The following DNAJC3 variants were observed in gnomAD, a reference collection of about 807,000 sequenced individuals.
The protein encoded by DNAJC3 is dnaJ homolog subfamily C member 3.
Under a neutral mutation model 68.6 loss-of-function variants are expected in DNAJC3, and 38 were observed. The observed-to-expected ratio is 0.55, with a 90% confidence interval of 0.43 to 0.73. The LOEUF (loss-of-function observed/expected upper bound fraction) is 0.73, where lower values mean the gene tolerates loss of function less well. Ranked by LOEUF, DNAJC3 falls within the 30% of genes least tolerant of loss-of-function variation. The pLI, the probability that DNAJC3 is intolerant of heterozygous loss-of-function variation, is 0.00. For synonymous variants in DNAJC3, 203 were observed against 204.0 expected, an observed-to-expected ratio of 1.00 and a Z score of 0.04; for missense variants, 526 against 591.9, an observed-to-expected ratio of 0.89 and a Z score of 1.16.
Position 95,791,026 on chromosome 13 carries a change from A to G in DNAJC3, c.1511A>G (p.Asn504Ser). ...CCATTTAGATTTAAATTCCACTTCA[A>G]TTAAACCAACTGTTTTTCTGCTCTT... ...GGPFRFKFHF[N>S] The change falls in exon 12 of 12, where the codon AAT becomes AGT. Residue 504 changes from asparagine (N) to serine (S), a missense_variant. Physicochemically the swap from Asn to Ser is conservative, Grantham distance 46. Coordinates refer to ENST00000602402, the MANE Select transcript of DNAJC3 (RefSeq NM_006260.5). 1.2e-6 allele frequency: 2 copies of G among 1,613,610 alleles called. No homozygotes were observed. The highest frequency in any genetic ancestry group is 1.1e-5 in the South Asian group (1 of 90,902).
In DNAJC3 at chr13:95,760,542, T is replaced by C. The variant is rs1022139636; in HGVS notation, c.729-137T>C. On this transcript the variant is annotated intron_variant, in intron 6 of 11. Transcript: ENST00000602402. ...TGGTACAATGCCACGTATAAATGTA[T>C]ATAGTAAATTATAAGTCTCAGTATG... 9.2e-6 allele frequency: 10 copies of C among 1,092,856 alleles called. No individual in the cohort carries two copies. The South Asian group carries it at 1.5e-4, about 16-fold the overall frequency. 67.7% of individuals were successfully genotyped at this position (1,092,856 alleles called of 1,614,324 possible).
chr13:95,774,162 A>G (rs540991988), intron 9 of DNAJC3, among the ~76,000 whole-genome samples: 1 of 152,302 alleles, frequency 6.6e-6, no homozygotes, highest in Non-Finnish European at 1.5e-5. Flanking sequence ...TGCTTTTGCT[A>G]GAACAGTCAT....
intron 1 of DNAJC3, among the ~76,000 whole-genome samples, chr13:95,708,207 A>C (rs1322071624): frequency 6.6e-6 from 1 of 152,208 alleles, no homozygotes; most frequent in Non-Finnish European, 1.5e-5. Flanking sequence ...AGTGCCCTGT[A>C]CTGACAAAGC....
intron 4 of DNAJC3, among the ~76,000 whole-genome samples, chr13:95,757,299 G>A (rs188999004): frequency 1.2e-3 from 175 of 147,812 alleles, no homozygotes; most frequent in Middle Eastern, 3.4e-3. Flanking sequence ...TAAAACTCAA[G>A]TTAATTTATT....
intron 1 of DNAJC3, among the ~76,000 whole-genome samples, chr13:95,690,736 G>A (rs1366120969): frequency 1.4e-4 from 21 of 147,528 alleles, no homozygotes; most frequent in South Asian, 1.1e-3. Flanking sequence ...CAGTAGGGGC[G>A]GCCGGGCAGA....
At chr13:95,769,875 C>T (rs192204093) in intron 9 of DNAJC3, among the ~76,000 whole-genome samples, 189 of 152,290 alleles carry the variant, frequency 1.2e-3, no homozygotes, top group African/African-American at 4.2e-3. Context: ...CCTCTGGTGC[C>T]AACTCTGTGA....
chr13:95,735,069 T>C (rs1881861030), intron 4 of DNAJC3, among the ~76,000 whole-genome samples: 1 of 150,910 alleles, frequency 6.6e-6, no homozygotes, highest in Non-Finnish European at 1.5e-5. Flanking sequence ...GAACATGCAG[T>C]GTTTTGTTTT....
chr13:95,785,324 A>G (rs1434879176), intron 9 of DNAJC3, among the ~76,000 whole-genome samples: 1 of 152,040 alleles, frequency 6.6e-6, no homozygotes, highest in Non-Finnish European at 1.5e-5. Flanking sequence ...AAGTGCTGAT[A>G]TTAACATATT....
At chr13:95,699,488 G>A (rs569461846) in intron 1 of DNAJC3, among the ~76,000 whole-genome samples, 1 of 152,218 alleles carries the variant, frequency 6.6e-6, no homozygotes, top group East Asian at 1.9e-4. Flanking sequence ...AATGATTGTA[G>A]CTAAAATGTT....
chr13:95,764,371 CTCTCTATATA>C lies in DNAJC3; in HGVS notation c.1075+420_1075+429del, dbSNP rs1453371636. 3.8e-5 allele frequency among the ~76,000 whole-genome samples: 5 copies of C among 132,754 alleles called. No individual in the cohort carries two copies. The East Asian group carries it at 1.1e-3, about 29-fold the overall frequency. The allele number at this position is 132,754 out of a possible 152,430, so 87.1% of individuals were successfully genotyped here. On this transcript the variant is annotated intron_variant, in intron 9 of 11. Transcript: ENST00000602402. ...ATTCTCTCTCTCTCTCTCTCTCTCT[CTCTCTATATA>C]TATATATATATATACTCGGTGTGTA...
chr13:95,742,615 CTCT>C (rs367627476), intron 4 of DNAJC3: 78 of 499,636 alleles, frequency 1.6e-4, no homozygotes, highest in Middle Eastern at 3.3e-4. Flanking sequence ...CCTCACTTCT[CTCT>C]TCTTCTTCTT....
intron 1 of DNAJC3, among the ~76,000 whole-genome samples, chr13:95,684,043 C>G (rs1363421235): frequency 6.6e-6 from 1 of 151,910 alleles, no homozygotes; most frequent in African/African-American, 2.4e-5. Flanking sequence ...ATAAAGATAC[C>G]TGAAATTGTA....
intron 4 of DNAJC3, among the ~76,000 whole-genome samples, chr13:95,752,674 T>C (rs1882517554): frequency 6.6e-6 from 1 of 152,210 alleles, no homozygotes; most frequent in South Asian, 2.1e-4. Context: ...TATAATAAAA[T>C]GCATTGGTTT....
intron 9 of DNAJC3, 100 bp downstream of exon 9, chr13:95,764,053 TGGAAATGTTGACAA>T: frequency 6.6e-7 from 1 of 1,506,908 alleles, no homozygotes; most frequent in Non-Finnish European, 8.9e-7. Context: ...CCAGAGTACC[TGGAAATGTTGACAA>T]TTTTAGAAAA....
At chr13:95,773,127 G>T (rs868072428) in intron 9 of DNAJC3, among the ~76,000 whole-genome samples, 1,782 of 119,020 alleles carry the variant, frequency 0.015, 48 homozygotes, top group African/African-American at 0.052. Flanking sequence ...TTTTTTTTTT[G>T]GTAGGATGGT....
chr13:95,721,660 G>A (rs1270877791), intron 2 of DNAJC3, among the ~76,000 whole-genome samples: 1 of 146,334 alleles, frequency 6.8e-6, no homozygotes. Context: ...TTTTGGTTTT[G>A]CTTTTTTAGT....
chr13:95,748,816 A>AAAAC (rs751954606), intron 4 of DNAJC3, among the ~76,000 whole-genome samples: 62 of 152,350 alleles, frequency 4.1e-4, no homozygotes, highest in African/African-American at 1.0e-3. Flanking sequence ...ACTCCGTCTC[A>AAAAC]AAACAAACAA....
intron 4 of DNAJC3, among the ~76,000 whole-genome samples, chr13:95,725,566 ACTT>A (rs1881480403): frequency 1.3e-5 from 2 of 152,050 alleles, no homozygotes; most frequent in Non-Finnish European, 2.9e-5. Flanking sequence ...CAGCTGAACT[ACTT>A]TTAAAGCCCT....
chr13:95,786,397 CG>C (rs1176063621), intron 10 of DNAJC3, among the ~76,000 whole-genome samples: 1 of 151,806 alleles, frequency 6.6e-6, no homozygotes, highest in Non-Finnish European at 1.5e-5. Flanking sequence ...GAGGAGGAGA[CG>C]GAATGAGTAA....
Sources: gnomAD v4.1 joint callset for allele counts (sites outside exome capture counted in the v4.1 genomes callset) on GRCh38, gnomAD v4.1.1 for gene constraint, MANE v1.5 for transcripts, NCBI Gene and HGNC (gene_info 2026-07-23, HGNC 2026-07-21) for gene names.